GATAD2B: variants seen among roughly 807,000 people sequenced by gnomAD.
The protein encoded by GATAD2B is GATA zinc finger domain containing 2B, also known as transcriptional repressor p66-beta.
GATAD2B carries 8 observed loss-of-function variants against 64.3 expected under a neutral mutation model. That is an observed-to-expected ratio of 0.12 (90% CI 0.07 to 0.22). GATAD2B has a LOEUF of 0.22. GATAD2B is among the 10% of genes least tolerant of loss of function. GATAD2B has a pLI of 1.00. For missense variants in GATAD2B, 453 were observed against 752.0 expected (o/e 0.60, Z 4.65); for synonymous variants, 281 against 271.3 (o/e 1.04, Z -0.35).
intron 4 of GATAD2B, 132 bp downstream of exon 4, chr1:153,818,656 CACT>C: frequency 2.8e-6 from 2 of 709,622 alleles, no homozygotes; most frequent in Non-Finnish European, 4.6e-6. Flanking sequence ...AAAAAAAAAT[CACT>C]ACTACTACAG....
intron 1 of GATAD2B, among the ~76,000 whole-genome samples, chr1:153,893,933 G>C (rs1173538938): frequency 7.2e-6 from 1 of 138,344 alleles, no homozygotes; most frequent in Non-Finnish European, 1.5e-5. Context: ...ACTTGGCCTG[G>C]GTGACTGAAC....
rs1677893132 is a variant in GATAD2B, at chr1:153,905,358, C to A, written c.-2+17375G>T. ...CGCCACCGCACTCCAGCCTGGGTGA[C>A]AGAGCCTGACTCGGTCTCAAAAAAA... On this transcript the variant is annotated intron_variant, in intron 1 of 10. Transcript: ENST00000368655. Among the ~76,000 whole-genome samples, 3 of 151,826 alleles carry A rather than the reference C, an allele frequency of 2.0e-5. No homozygotes were observed. In the South Asian group the frequency reaches 6.2e-4, roughly 32 times the overall value.
At chr1:153,883,696 A>G (rs1570986909) in intron 1 of GATAD2B, among the ~76,000 whole-genome samples, 1 of 150,954 alleles carries the variant, frequency 6.6e-6, no homozygotes, top group African/African-American at 2.4e-5. Context: ...ATCTGACTGC[A>G]CTGGTCTTTT....
chr1:153,860,662 A>G (rs1425043885), intron 1 of GATAD2B, among the ~76,000 whole-genome samples: 2 of 151,358 alleles, frequency 1.3e-5, no homozygotes, highest in East Asian at 3.9e-4. Context: ...TATCTACTTA[A>G]AAAAAATTAT....
rs529234730 is a variant in GATAD2B, at chr1:153,805,880, C to T, written c.*4297G>A. ...TCTACAAAGTCCTGGACCAGGAGGTCTTGGCTTTCACAGGAGCTCAGCCTC... is the reference window on the plus strand; with the variant it reads ...TCTACAAAGTCCTGGACCAGGAGGTTTTGGCTTTCACAGGAGCTCAGCCTC... On this transcript the variant is annotated 3_prime_UTR_variant, in exon 11 of 11. Transcript: ENST00000368655. 1 of 152,318 alleles carries T rather than the reference C, an allele frequency of 6.6e-6. No individual in the cohort carries two copies. Among genetic ancestry groups the T allele is most frequent in the African/African-American group, 2.4e-5 (1 of 41,556 alleles). 9.4% of individuals were successfully genotyped at this position (152,318 alleles called of 1,614,324 possible).
Position 153,811,850 on chromosome 1 carries a change from T to C in GATAD2B, c.1531-2A>G. On this transcript the variant is annotated splice_acceptor_variant, in intron 9 of 10. Coordinates refer to ENST00000368655, the MANE Select transcript of GATAD2B (RefSeq NM_020699.4). LOFTEE classifies it high-confidence loss of function. ...GAGGCTGCTCTGGGGCTGTGGAGCC[T>C]GCAATGATGAGGAGACAGTGGATAC... The C allele has an allele frequency of 6.3e-7, 1 of 1,586,976 alleles. No individual in the cohort carries two copies. Among genetic ancestry groups the C allele is most frequent in the Non-Finnish European group, 8.6e-7 (1 of 1,159,668 alleles).
chr1:153,824,431 C>A (rs1215192214), intron 2 of GATAD2B, among the ~76,000 whole-genome samples: 2 of 151,600 alleles, frequency 1.3e-5, no homozygotes, highest in Non-Finnish European at 2.9e-5. Flanking sequence ...AGATCGAGAC[C>A]ATCTGGCCAA....
intron 7 of GATAD2B, among the ~76,000 whole-genome samples, chr1:153,814,693 G>A (rs1226992617): frequency 6.6e-6 from 1 of 152,060 alleles, no homozygotes; most frequent in African/African-American, 2.4e-5. Flanking sequence ...AGAATTGCTT[G>A]CGCCGGGCAC....
chr1:153,873,648 A>C (rs12142639), intron 1 of GATAD2B, among the ~76,000 whole-genome samples: 67,227 of 152,124 alleles, frequency 0.44, 15,732 homozygotes, highest in Non-Finnish European at 0.53. Flanking sequence ...GCCGTGAGAA[A>C]TAAATTTCTT....
chr1:153,819,847 C>T, intron 2 of GATAD2B, 112 bp from the exon 3 acceptor site: 1 of 872,566 alleles, frequency 1.1e-6, no homozygotes, highest in African/African-American at 1.7e-5. Flanking sequence ...TCCTGTAATC[C>T]TAGCACTTTG....
rs1239211134 is a variant in GATAD2B, at chr1:153,805,007, G to T, written c.*5170C>A. On this transcript the variant is annotated 3_prime_UTR_variant, in exon 11 of 11. Coordinates refer to ENST00000368655, the MANE Select transcript of GATAD2B (RefSeq NM_020699.4). The stretch of plus-strand genomic sequence containing the variant: ...AACTTAAAGAGAGTTGTGCAAAAGG[G>T]TCTTGTTCCCCTCCCACCCACCCTA... 2 of 151,218 alleles carry T rather than the reference G, an allele frequency of 1.3e-5. No homozygotes were observed. Among genetic ancestry groups the T allele is most frequent in the Non-Finnish European group, 2.9e-5 (2 of 67,838 alleles). 9.4% of individuals were successfully genotyped at this position (151,218 alleles called of 1,614,324 possible).
intron 1 of GATAD2B, among the ~76,000 whole-genome samples, chr1:153,843,329 G>A (rs1468477708): frequency 1.1e-4 from 16 of 151,980 alleles, no homozygotes; most frequent in Admixed American, 1.0e-3. Flanking sequence ...TGTTACCCAG[G>A]CTGGAGTGCA....
intron 1 of GATAD2B, among the ~76,000 whole-genome samples, chr1:153,893,662 T>C (rs1479867598): frequency 6.6e-6 from 1 of 151,690 alleles, no homozygotes; most frequent in African/African-American, 2.4e-5. Flanking sequence ...ACTGAACTTT[T>C]AGAAAAGTTT....
At chr1:153,877,238 G>A (rs1199555873) in intron 1 of GATAD2B, among the ~76,000 whole-genome samples, 2 of 152,118 alleles carry the variant, frequency 1.3e-5, no homozygotes, top group African/African-American at 4.8e-5. Flanking sequence ...AGCTACTTGG[G>A]AGGCTGGGGC....
chr1:153,915,154 CG>C (rs1414315703), intron 1 of GATAD2B, among the ~76,000 whole-genome samples: 1 of 152,104 alleles, frequency 6.6e-6, no homozygotes, highest in Non-Finnish European at 1.5e-5. Context: ...ACCCGGGAGG[CG>C]GTGGCTCACG....
At chr1:153,824,360 TG>T (rs1438963540) in intron 2 of GATAD2B, among the ~76,000 whole-genome samples, 1 of 152,198 alleles carries the variant, frequency 6.6e-6, no homozygotes, top group Non-Finnish European at 1.5e-5. Flanking sequence ...CTAGGTGTGG[TG>T]GCTCACGCCC....
At chr1:153,853,159 T>C in intron 1 of GATAD2B, 2 of 1,395,036 alleles carry the variant, frequency 1.4e-6, no homozygotes. Flanking sequence ...TCTAGCCCCT[T>C]ACAGACACGG....
chr1:153,834,404 T>C (rs540669140), intron 1 of GATAD2B, among the ~76,000 whole-genome samples: 2 of 152,050 alleles, frequency 1.3e-5, no homozygotes, highest in South Asian at 2.1e-4. Context: ...TTTCTTTTTC[T>C]TTTTTTTAAG....
intron 1 of GATAD2B, among the ~76,000 whole-genome samples, chr1:153,912,685 C>A (rs1678139342): frequency 6.6e-6 from 1 of 152,144 alleles, no homozygotes; most frequent in Non-Finnish European, 1.5e-5. Flanking sequence ...AAAAATGTTA[C>A]CCTATTGAGC....
Sources: gnomAD v4.1 joint callset for allele counts (sites outside exome capture counted in the v4.1 genomes callset) on GRCh38, gnomAD v4.1.1 for gene constraint, MANE v1.5 for transcripts, NCBI Gene and HGNC (gene_info 2026-07-23, HGNC 2026-07-21) for gene names.